The following NAALADL2 variants were observed in gnomAD, a reference collection of about 807,000 sequenced individuals.
NAALADL2 encodes N-acetylated alpha-linked acidic dipeptidase like 2, also known as inactive N-acetylated-alpha-linked acidic dipeptidase-like protein 2.
Under a neutral mutation model 87.2 loss-of-function variants are expected in NAALADL2, and 76 were observed. The ratio of observed to expected loss-of-function variants is 0.87; its 90% confidence interval spans 0.72 to 1.05. NAALADL2 has a LOEUF of 1.05. Ranked by LOEUF, NAALADL2 falls within the 50% of genes least tolerant of loss-of-function variation. NAALADL2 has a pLI of 0.00. For synonymous variants in NAALADL2, 354 were observed against 331.0 expected (o/e 1.07, Z -0.75); for missense variants, 1,089 against 945.8 (o/e 1.15, Z -1.99).
chr3:175,702,148 G>C (rs112202765), intron 11 of NAALADL2, among the ~76,000 whole-genome samples: 43 of 151,836 alleles, frequency 2.8e-4, no homozygotes, highest in Non-Finnish European at 4.7e-4. Context: ...TTATAAAATG[G>C]CACTCAAAAA....
chr3:174,447,267 G>C (rs892679262), intron 1 of NAALADL2, among the ~76,000 whole-genome samples: 1 of 152,042 alleles, frequency 6.6e-6, no homozygotes, highest in African/African-American at 2.4e-5. Context: ...GGGATTAATG[G>C]CTCCCTCAGA....
At chr3:175,643,724 G>C (rs1729601545) in intron 11 of NAALADL2, among the ~76,000 whole-genome samples, 3 of 152,120 alleles carry the variant, frequency 2.0e-5, no homozygotes, top group Non-Finnish European at 4.4e-5. Context: ...GTCCAGGTGA[G>C]AAGAACAAAC....
chr3:174,940,182 T>A (rs1346076894), intron 1 of NAALADL2, among the ~76,000 whole-genome samples: 1 of 152,170 alleles, frequency 6.6e-6, no homozygotes, highest in Non-Finnish European at 1.5e-5. Context: ...TGGAGGCATG[T>A]TCCTTCGATA....
In NAALADL2 at chr3:174,526,275, G is replaced by A. The variant is rs991818908; in HGVS notation, c.-183-24294G>A. ...CAATTCAGTGGACTAGCATTTCTGT[G>A]TAAACAGTCATGGCTTTGGCCTCAT... On this transcript the variant is annotated intron_variant, in intron 1 of 3. Coordinates refer to the NAALADL2 transcript ENST00000434257. Among the ~76,000 whole-genome samples the A allele has an allele frequency of 2.6e-5, 4 of 152,124 alleles. No individual in the cohort carries two copies. The South Asian group carries it at 8.3e-4, about 32-fold the overall frequency.
intron 3 of NAALADL2, among the ~76,000 whole-genome samples, chr3:175,249,030 G>A (rs1748522991): frequency 6.6e-6 from 1 of 151,890 alleles, no homozygotes; most frequent in African/African-American, 2.4e-5. Flanking sequence ...TATCTAGTGT[G>A]ATTATTGACA....
chr3:175,022,400 T>G (rs1423194369), intron 1 of NAALADL2, among the ~76,000 whole-genome samples: 1 of 152,016 alleles, frequency 6.6e-6, no homozygotes, highest in Admixed American at 6.6e-5. Flanking sequence ...GAACAGAACA[T>G]TGGACAATTA....
chr3:175,606,781 A>G (rs1723806399), intron 10 of NAALADL2, among the ~76,000 whole-genome samples: 1 of 152,182 alleles, frequency 6.6e-6, no homozygotes, highest in South Asian at 2.1e-4. Flanking sequence ...TTAGTTTTCT[A>G]GCTGAAGTGT....
At chr3:174,621,972 A>T (rs1487566106) in intron 2 of NAALADL2, among the ~76,000 whole-genome samples, 1 of 152,152 alleles carries the variant, frequency 6.6e-6, no homozygotes, top group Non-Finnish European at 1.5e-5. Context: ...GACTCTCAAG[A>T]TCTCATCCTG....
At chr3:175,029,773 A>G (rs1251245921) in intron 1 of NAALADL2, among the ~76,000 whole-genome samples, 1 of 152,082 alleles carries the variant, frequency 6.6e-6, no homozygotes, top group Non-Finnish European at 1.5e-5. Context: ...CATAAATGCC[A>G]CAAAAATTAT....
chr3:175,636,284 T>C (rs1728525394), intron 11 of NAALADL2, among the ~76,000 whole-genome samples: 1 of 152,122 alleles, frequency 6.6e-6, no homozygotes, highest in South Asian at 2.1e-4. Context: ...TATATCACCA[T>C]AGACTGACAC....
chr3:174,921,113 AAC>A (rs1735120856), intron 1 of NAALADL2, among the ~76,000 whole-genome samples: 1 of 152,236 alleles, frequency 6.6e-6, no homozygotes, highest in Admixed American at 6.5e-5. Flanking sequence ...CAAAATGTGA[AAC>A]AGAGTTATGA....
chr3:175,314,689 T>C (rs1398691306), intron 4 of NAALADL2, among the ~76,000 whole-genome samples: 6 of 37,260 alleles, frequency 1.6e-4, no homozygotes, highest in African/African-American at 7.7e-4. Context: ...TATATATATA[T>C]ATATATATAT....
intron 2 of NAALADL2, among the ~76,000 whole-genome samples, chr3:174,719,126 C>T (rs1731475257): frequency 2.0e-5 from 3 of 152,116 alleles, no homozygotes; most frequent in African/African-American, 7.2e-5. Context: ...CTCTAACATC[C>T]TGTAATTTAT....
chr3:174,543,992 G>A (rs1722496862), intron 1 of NAALADL2, among the ~76,000 whole-genome samples: 1 of 147,444 alleles, frequency 6.8e-6, no homozygotes, highest in Admixed American at 6.9e-5. Flanking sequence ...TGGGTGACAA[G>A]AGTGAGACTC....
At chr3:175,206,011 G>C (rs1380452079) in intron 2 of NAALADL2, among the ~76,000 whole-genome samples, 1 of 151,816 alleles carries the variant, frequency 6.6e-6, no homozygotes, top group African/African-American at 2.4e-5. Context: ...ATGTAAACTA[G>C]TACACCCACT....
chr3:175,728,743 G>T, intron 11 of NAALADL2, among the ~76,000 whole-genome samples: 1 of 152,164 alleles, frequency 6.6e-6, no homozygotes, highest in East Asian at 1.9e-4. Context: ...TGCTCTGAAA[G>T]TTAAAAGGAG....
chr3:175,562,531 A>C (rs1716430365), intron 9 of NAALADL2, among the ~76,000 whole-genome samples: 1 of 151,806 alleles, frequency 6.6e-6, no homozygotes, highest in African/African-American at 2.4e-5. Flanking sequence ...CCAATCACAG[A>C]TTTATCTTGA....
chr3:174,872,827 AG>A (rs1728008814), intron 1 of NAALADL2, among the ~76,000 whole-genome samples: 3 of 152,120 alleles, frequency 2.0e-5, no homozygotes, highest in Admixed American at 2.0e-4. Flanking sequence ...ACCTAATTAA[AG>A]GTATGGTAGT....
intron 3 of NAALADL2, among the ~76,000 whole-genome samples, chr3:174,747,804 T>G (rs998659171): frequency 1.6e-4 from 24 of 152,102 alleles, no homozygotes; most frequent in East Asian, 3.9e-4. Context: ...GCAATTCCAT[T>G]ATAGGGTATA....
Sources: gnomAD v4.1 joint callset for allele counts (sites outside exome capture counted in the v4.1 genomes callset) on GRCh38, gnomAD v4.1.1 for gene constraint, MANE v1.5 for transcripts, NCBI Gene and HGNC (gene_info 2026-07-23, HGNC 2026-07-21) for gene names.